FAM149A: variants seen among roughly 807,000 people sequenced by gnomAD.
FAM149A encodes the protein protein FAM149A.
A neutral mutation model predicts 78.2 loss-of-function variants in FAM149A; 71 were observed. That is an observed-to-expected ratio of 0.91 (90% CI 0.75 to 1.11). The LOEUF (loss-of-function observed/expected upper bound fraction) is 1.11, where lower values mean the gene tolerates loss of function less well. Among genes scored for constraint, FAM149A ranks in the 50% least tolerant of loss-of-function variants. FAM149A has a pLI of 0.00. For missense variants in FAM149A, 1,036 were observed against 971.0 expected (o/e 1.07, Z -0.89); for synonymous variants, 446 against 410.5 (o/e 1.09, Z -1.04).
intron 1 of FAM149A, among the ~76,000 whole-genome samples, chr4:186,145,401 C>G (rs746478110): frequency 5.9e-4 from 90 of 152,260 alleles, no homozygotes; most frequent in Non-Finnish European, 2.1e-4. Flanking sequence ...CCTGTGTGTC[C>G]CCCCATCCAG....
At chr4:186,161,353 G>A (rs1156635670) in intron 8 of FAM149A, among the ~76,000 whole-genome samples, 1 of 152,210 alleles carries the variant, frequency 6.6e-6, no homozygotes. Context: ...AAGGGACACA[G>A]GCCTGAACAG....
rs183107024 is a variant in FAM149A at position 186,126,003 on chromosome 4, C to T, written c.566+20361C>T. 7.1e-6 allele frequency: 7 copies of T among 985,434 alleles called. No homozygotes were observed. The East Asian group carries it at 8.0e-4, about 112-fold the overall frequency. 61.0% of individuals were successfully genotyped at this position (985,434 alleles called of 1,614,324 possible). A position where few individuals can be genotyped will look rare whatever the true frequency, so the allele number is the denominator to read the frequency against. On this transcript the variant is annotated intron_variant, in intron 1 of 13. Transcript: ENST00000389354. Reference sequence around the variant, plus strand: ...CTTCACAGGCCCCAAATTCTAACCTCTAGAGCCTGCCATCTCCTTCCTCCC... The same window carrying T: ...CTTCACAGGCCCCAAATTCTAACCTTTAGAGCCTGCCATCTCCTTCCTCCC...
At chr4:186,142,366 C>T (rs1030389074) in intron 1 of FAM149A, among the ~76,000 whole-genome samples, 3 of 152,148 alleles carry the variant, frequency 2.0e-5, no homozygotes, top group Admixed American at 6.5e-5. Flanking sequence ...TGTACGCGGA[C>T]ATGCTTTAGA....
intron 1 of FAM149A, chr4:186,117,616 G>A (rs568011266): frequency 2.5e-5 from 25 of 984,900 alleles, no homozygotes; most frequent in South Asian, 4.7e-5. Flanking sequence ...GCCACATGGC[G>A]TGAGGCTTTC....
In FAM149A at chr4:186,164,279, G is replaced by A. The variant is rs1734839692; in HGVS notation, c.1889+646G>A. Among the ~76,000 whole-genome samples, 2 of 152,146 alleles carry A rather than the reference G, an allele frequency of 1.3e-5. No homozygotes were observed. Among genetic ancestry groups the A allele is most frequent in the South Asian group, 4.1e-4 (2 of 4,830 alleles). ...CCACCACAAAACTTTATATTGTTGGGACTCATACTATCCCAAATCTGAGAT... is the reference window on the plus strand; with the variant it reads ...CCACCACAAAACTTTATATTGTTGGAACTCATACTATCCCAAATCTGAGAT... On this transcript the variant is annotated intron_variant, in intron 10 of 13. Coordinates refer to ENST00000389354, the MANE Select transcript of FAM149A (RefSeq NM_001367768.3). The surrounding 1 kb of genome is among the most constrained non-coding windows in gnomAD (Gnocchi z 4.0).
chr4:186,162,810 CTTTTTTTTTTTT>C lies in FAM149A; in HGVS notation c.1576-23_1576-12del. Reference sequence around the variant, plus strand: ...GGAACGGCACTGGGCATTTGTAATTCTTTTTTTTTTTTTTTTTTTTTTTACTGTTCTCAGATT... The same window carrying C: ...GGAACGGCACTGGGCATTTGTAATTCTTTTTTTTTTTACTGTTCTCAGATT... On this transcript the variant is annotated intron_variant, in intron 8 of 13. Transcript: ENST00000389354. 3 of 561,988 alleles carry C rather than the reference CTTTTTTTTTTTT, an allele frequency of 5.3e-6. No homozygotes were observed. Among genetic ancestry groups the C allele is most frequent in the Non-Finnish European group, 9.2e-6 (3 of 325,352 alleles). The allele number at this position is 561,988 out of a possible 1,614,324, so 34.8% of individuals were successfully genotyped here.
chr4:186,113,696 G>A (rs563722917), intron 1 of FAM149A, among the ~76,000 whole-genome samples: 25 of 150,708 alleles, frequency 1.7e-4, no homozygotes, highest in Admixed American at 2.6e-4. Context: ...CCATGTAGTT[G>A]AGCGGTTTTG....
At position 186,173,681 on chromosome 4, in the gene FAM149A, G is replaced by GAGAC. The variant is rs1055020294; in HGVS notation, c.*1696_*1699dup. On this transcript the variant is annotated 3_prime_UTR_variant, in exon 14 of 14. Coordinates refer to ENST00000389354, the MANE Select transcript of FAM149A (RefSeq NM_001367768.3). ...CAGCTGACTCCATTTCTATAGCAAT[G>GAGAC]AGACACATTAGGCAGCAGCAGCAGC... Among the ~76,000 whole-genome samples the GAGAC allele has an allele frequency of 9.0e-6, 1 of 111,122 alleles. No homozygotes were observed. Among genetic ancestry groups the GAGAC allele is most frequent in the Non-Finnish European group, 2.3e-5 (1 of 44,146 alleles). 72.9% of individuals were successfully genotyped at this position (111,122 alleles called of 152,430 possible).
chr4:186,172,854 A>G lies in FAM149A; in HGVS notation c.*867A>G, dbSNP rs1735620679. ...GCTTTTCTTCAGAGTGTGTTTCCCC[A>G]TCTGACATTACTGTAGAAAATGGAG... is the stretch of plus-strand genomic sequence containing the variant. On this transcript the variant is annotated 3_prime_UTR_variant, in exon 14 of 14. Coordinates refer to ENST00000389354, the MANE Select transcript of FAM149A (RefSeq NM_001367768.3). 9.0e-6 allele frequency among the ~76,000 whole-genome samples: 1 copy of G among 111,138 alleles called. No individual in the cohort carries two copies. The highest frequency in any genetic ancestry group is 2.8e-4 in the South Asian group (1 of 3,532). The allele number at this position is 111,138 out of a possible 152,430, so 72.9% of individuals were successfully genotyped here. A position where few individuals can be genotyped will look rare whatever the true frequency, so the allele number is the denominator to read the frequency against.
intron 1 of FAM149A, chr4:186,130,125 G>A (rs1478605958): frequency 6.6e-6 from 1 of 151,896 alleles, no homozygotes; most frequent in African/African-American, 2.4e-5. Flanking sequence ...ATCAGCCTGT[G>A]GTAGCCAAGA....
At chr4:186,107,062 A>T (rs1438216845) in intron 1 of FAM149A, among the ~76,000 whole-genome samples, 1 of 152,242 alleles carries the variant, frequency 6.6e-6, no homozygotes, top group Admixed American at 6.5e-5. Flanking sequence ...TTTCCCTATC[A>T]GTTAATTGCT....
At chr4:186,132,617 G>A (rs1561394118) in intron 1 of FAM149A, among the ~76,000 whole-genome samples, 1 of 152,344 alleles carries the variant, frequency 6.6e-6, no homozygotes, top group East Asian at 1.9e-4. Flanking sequence ...GGAGGGGATA[G>A]GAGGGTATGG....
At chr4:186,139,391 G>T (rs1231790650) in intron 1 of FAM149A, among the ~76,000 whole-genome samples, 1 of 152,172 alleles carries the variant, frequency 6.6e-6, no homozygotes, top group East Asian at 1.9e-4. Flanking sequence ...TGGTACTAAA[G>T]GTGGGGCCTT....
intron 1 of FAM149A, chr4:186,131,849 T>C: frequency 3.1e-6 from 3 of 975,256 alleles, no homozygotes; most frequent in Non-Finnish European, 3.7e-6. Context: ...TTACACTGCA[T>C]TAAAATTAAG....
At chr4:186,132,883 T>A (rs2099321291) in intron 1 of FAM149A, 1 of 828,494 alleles carries the variant, frequency 1.2e-6, no homozygotes, top group Non-Finnish European at 1.5e-6. Context: ...CAAGTTTCTG[T>A]TTTGCTTTCA....
rs1017304975 is a variant in FAM149A at position 186,174,843 on chromosome 4, T to C, written c.*2856T>C. ...CAAGGATGGTGCTTTTTAAGCTAAT[T>C]AGGTAAAAATTAGGGCAGTGTTTTA... is the stretch of plus-strand genomic sequence containing the variant. On this transcript the variant is annotated 3_prime_UTR_variant, in exon 14 of 14. Transcript: ENST00000389354. Among the ~76,000 whole-genome samples the C allele has an allele frequency of 9.1e-6, 1 of 110,370 alleles. No homozygotes were observed. Among genetic ancestry groups the C allele is most frequent in the African/African-American group, 2.9e-5 (1 of 34,820 alleles). The allele number at this position is 110,370 out of a possible 152,430, so 72.4% of individuals were successfully genotyped here.
At chr4:186,151,098 G>A (rs1191579497) in intron 3 of FAM149A, 8 of 982,430 alleles carry the variant, frequency 8.1e-6, no homozygotes, top group African/African-American at 3.5e-5. Flanking sequence ...CAGGGGAGCC[G>A]GCAGGGCAGG....
At chr4:186,124,723 T>A (rs2099317566) in intron 1 of FAM149A, among the ~76,000 whole-genome samples, 1 of 152,352 alleles carries the variant, frequency 6.6e-6, no homozygotes, top group African/African-American at 2.4e-5. Flanking sequence ...ACAATAAACA[T>A]ACGTGTGCAC....
chr4:186,142,064 C>T (rs538627323), intron 1 of FAM149A, among the ~76,000 whole-genome samples: 1 of 152,274 alleles, frequency 6.6e-6, no homozygotes, highest in Non-Finnish European at 1.5e-5. Context: ...TAGGCCATTT[C>T]TTTTCCCTGA....
Sources: gnomAD v4.1 joint callset for allele counts (sites outside exome capture counted in the v4.1 genomes callset) on GRCh38, gnomAD v4.1.1 for gene constraint, Gnocchi (gnomAD v3.1) non-coding constraint, MANE v1.5 for transcripts, NCBI Gene and HGNC (gene_info 2026-07-23, HGNC 2026-07-21) for gene names.